IP6K3: variants seen among roughly 807,000 people sequenced by gnomAD.
The protein encoded by IP6K3 is inositol hexakisphosphate kinase 3, also known as ATP:1D-myo-inositol-hexakisphosphate phosphotransferase.
IP6K3 carries 20 observed loss-of-function variants against 28.8 expected under a neutral mutation model. That is an observed-to-expected ratio of 0.70 (90% CI 0.49 to 1.01). The LOEUF is 1.01. Ranked by LOEUF, IP6K3 falls within the 50% of genes least tolerant of loss-of-function variation. IP6K3 has a pLI of 0.00. For missense variants in IP6K3, 480 were observed against 537.1 expected (o/e 0.89, Z 1.05); for synonymous variants, 213 against 221.3 (o/e 0.96, Z 0.33).
intron 2 of IP6K3, among the ~76,000 whole-genome samples, 173 bp downstream of exon 2, chr6:33,735,105 T>C (rs1006125976): frequency 2.6e-5 from 4 of 152,190 alleles, no homozygotes; most frequent in African/African-American, 9.6e-5. Context: ...ACCTGGAGGC[T>C]TGAAGAGTTC....
At chr6:33,752,289 G>A in the IP6K3 span, among the ~76,000 whole-genome samples, 1 of 152,236 alleles carries the variant, frequency 6.6e-6, no homozygotes, top group Non-Finnish European at 1.5e-5. Flanking sequence ...GTGGCCAGCT[G>A]GGGCCCCGCC....
upstream of IP6K3, among the ~76,000 whole-genome samples, chr6:33,748,925 A>T (rs936248365): frequency 1.3e-5 from 2 of 151,568 alleles, no homozygotes; most frequent in Non-Finnish European, 2.9e-5. Flanking sequence ...ATCACATTTC[A>T]CCAGGGAAGG....
In IP6K3 at chr6:33,744,339, C is replaced by CACCT. The variant is rs1396211702; in HGVS notation, c.-180+2415_-180+2418dup. On this transcript the variant is annotated intron_variant, in intron 1 of 5. Transcript: ENST00000293756. This position sits in a 1 kb window ranked among gnomAD's most constrained non-coding sequence, Gnocchi z 4.4. ...TCCTCTAAGTAATATGATCAGCCAC[C>CACCT]ACCTGTCTTGTGCAAGAGACCTATG... Among the ~76,000 whole-genome samples, 1 of 152,178 alleles carries CACCT rather than the reference C, an allele frequency of 6.6e-6. No individual in the cohort carries two copies. The highest frequency in any genetic ancestry group is 1.5e-5 in the Non-Finnish European group (1 of 68,042).
Position 33,742,549 on chromosome 6 carries a change from G to A in IP6K3, c.-180+4209C>T, listed in dbSNP as rs527712170. Among the ~76,000 whole-genome samples, 3 of 152,240 alleles carry A rather than the reference G, an allele frequency of 2.0e-5. No individual in the cohort carries two copies. The highest frequency in any genetic ancestry group is 7.2e-5 in the African/African-American group (3 of 41,540). ...CTGGGTGAGGGCTCCCACCCGGGGG[G>A]CCTGCCAAGACCTTACCCAAATCCT... On this transcript the variant is annotated intron_variant, in intron 1 of 5. Transcript: ENST00000293756. This position sits in a 1 kb window ranked among gnomAD's most constrained non-coding sequence, Gnocchi z 4.5.
At position 33,735,433 on chromosome 6, in the gene IP6K3, C is replaced by T. The variant is rs1237478720; in HGVS notation, c.44G>A (p.Gly15Asp). 7 of 1,610,652 alleles carry T rather than the reference C, an allele frequency of 4.3e-6. No individual in the cohort carries two copies. The highest frequency in any genetic ancestry group is 4.2e-6 in the Non-Finnish European group (5 of 1,179,030). Residue 15 changes from glycine (G) to aspartate (D), a missense_variant, in exon 2 of 6, where the codon GGC (glycine) becomes GAC (aspartate). Transcript: ENST00000293756. ...NSADAGDMRAGVQLEPFLHQV... is the reference protein window; with the variant it reads ...NSADAGDMRADVQLEPFLHQV... ...GTGCAGGAAGGGCTCCAGCTGCACG[C>T]CTGCCCTCATGTCCCCGGCGTCTGC...
At chr6:33,736,238 A>G (rs1416362128) in intron 1 of IP6K3, among the ~76,000 whole-genome samples, 1 of 152,142 alleles carries the variant, frequency 6.6e-6, no homozygotes, top group Admixed American at 6.5e-5. Context: ...GCAACATACT[A>G]AGCTTCTAGA....
At chr6:33,761,440 T>C in the IP6K3 span, among the ~76,000 whole-genome samples, 2 of 152,084 alleles carry the variant, frequency 1.3e-5, no homozygotes, top group African/African-American at 2.4e-5. Flanking sequence ...CCCAGCCACC[T>C]CTGCATCTGA....
At chr6:33,748,255 T>G (rs1480708349), upstream of IP6K3, among the ~76,000 whole-genome samples, 1 of 152,100 alleles carries the variant, frequency 6.6e-6, no homozygotes, top group Non-Finnish European at 1.5e-5. Context: ...TCCAGACCTG[T>G]TGGTGTAGTA....
chr6:33,742,249 C>A lies in IP6K3; in HGVS notation c.-180+4509G>T, dbSNP rs1374383693. Among the ~76,000 whole-genome samples the A allele has an allele frequency of 1.3e-5, 2 of 152,114 alleles. No homozygotes were observed. The highest frequency in any genetic ancestry group is 4.8e-5 in the African/African-American group (2 of 41,428). On this transcript the variant is annotated intron_variant, in intron 1 of 5. Coordinates refer to ENST00000293756, the MANE Select transcript of IP6K3 (RefSeq NM_054111.5). The surrounding 1 kb of genome is among the most constrained non-coding windows in gnomAD (Gnocchi z 4.5). ...ACTCTGAAGTCGACGCCCATTCTGA[C>A]CACGTGCAGTCTGCTTGGACGGGGA...
chr6:33,761,409 G>A, the IP6K3 span, among the ~76,000 whole-genome samples: 1 of 152,150 alleles, frequency 6.6e-6, no homozygotes, highest in Admixed American at 6.5e-5. Context: ...GGCTGGCCAG[G>A]CCGCAGTGGG....
At chr6:33,728,415 C>G in intron 2 of IP6K3, 115 bp from the exon 3 acceptor site, 3 of 887,480 alleles carry the variant, frequency 3.4e-6, no homozygotes, top group South Asian at 1.6e-5. Context: ...CCACCTCCTC[C>G]GTTCCCCAGC....
At chr6:33,754,104 C>T in the IP6K3 span, among the ~76,000 whole-genome samples, 139 of 152,260 alleles carry the variant, frequency 9.1e-4, no homozygotes, top group Non-Finnish European at 1.2e-3. Context: ...CCACCGCGCC[C>T]GGTGGCCTAT....
intron 2 of IP6K3, among the ~76,000 whole-genome samples, chr6:33,728,657 A>G (rs1766211733): frequency 6.6e-6 from 1 of 152,094 alleles, no homozygotes; most frequent in Non-Finnish European, 1.5e-5. Flanking sequence ...ACCACAGCCA[A>G]CCCAGCTCTG....
chr6:33,752,524 A>C, the IP6K3 span, among the ~76,000 whole-genome samples: 1 of 152,218 alleles, frequency 6.6e-6, no homozygotes, highest in South Asian at 2.1e-4. Flanking sequence ...AAAATCCTGA[A>C]ACACCACAGC....
At position 33,728,282 on chromosome 6, in the gene IP6K3, A is replaced by C. The variant is rs1766196851; in HGVS notation, c.218T>G (p.Leu73Arg). 6.8e-6 allele frequency: 11 copies of C among 1,613,992 alleles called. No individual in the cohort carries two copies. Among genetic ancestry groups the C allele is most frequent in the Non-Finnish European group, 9.3e-6 (11 of 1,180,022 alleles). The change falls in exon 3 of 6, where the codon CTC becomes CGC. Residue 73 changes from leucine to arginine, a missense_variant. By Grantham distance (102) the Leu-to-Arg change is moderately radical. Transcript: ENST00000293756. ...GAGATGGCCTGTGCTGTCTTTCCAG[A>C]GGTGCACTGTGACGGTACCTGCAAA... ...PQYKGTVTVH[L>R]WKDSTGHLSL...
chr6:33,724,116 T>G (rs1483348368), intron 5 of IP6K3, among the ~76,000 whole-genome samples: 1 of 152,234 alleles, frequency 6.6e-6, no homozygotes, highest in Non-Finnish European at 1.5e-5. Context: ...AAACCAGTGT[T>G]GAAAAAAATC....
At chr6:33,724,737 A>G (rs1183413362) in intron 5 of IP6K3, among the ~76,000 whole-genome samples, 1 of 152,130 alleles carries the variant, frequency 6.6e-6, no homozygotes, top group Non-Finnish European at 1.5e-5. Flanking sequence ...CATTCAAGAG[A>G]AGGAGGACTC....
upstream of IP6K3, among the ~76,000 whole-genome samples, chr6:33,749,225 C>T (rs1321027806): frequency 1.3e-5 from 2 of 152,158 alleles, no homozygotes; most frequent in African/African-American, 4.8e-5. Flanking sequence ...ATTCCACCAC[C>T]TGCTTTCTGC....
At position 33,722,802 on chromosome 6, in the gene IP6K3, G is replaced by A; in HGVS notation, c.1151C>T (p.Thr384Ile). 1 of 1,614,190 alleles carries A rather than the reference G, an allele frequency of 6.2e-7. No homozygotes were observed. The highest frequency in any genetic ancestry group is 8.5e-7 in the Non-Finnish European group (1 of 1,180,024). The change falls in exon 6 of 6, where the codon ACC becomes ATC. Residue 384 changes from threonine (T) to isoleucine (I), a missense_variant. Thr to Ile is a moderately conservative substitution (Grantham distance 89, BLOSUM62 -1). Transcript: ENST00000293756. Reference sequence around the variant, plus strand: ...ATAGCCAGGGTCTGGTCCATCGTAGGTGGTGTGCTCATTCCAGTAGCCCTT... The same window carrying A: ...ATAGCCAGGGTCTGGTCCATCGTAGATGGTGTGCTCATTCCAGTAGCCCTT... The part of the protein sequence containing the change: ...TYKGYWNEHT[T>I]YDGPDPGYIF...
Sources: gnomAD v4.1 joint callset for allele counts (sites outside exome capture counted in the v4.1 genomes callset) on GRCh38, gnomAD v4.1.1 for gene constraint, Gnocchi (gnomAD v3.1) non-coding constraint, MANE v1.5 for transcripts, NCBI Gene and HGNC (gene_info 2026-07-23, HGNC 2026-07-21) for gene names.